Variants in RNF216 observed in about 807,000 individuals in gnomAD.
RNF216 encodes ring finger protein 216.
A neutral mutation model predicts 110.8 loss-of-function variants in RNF216; 72 were observed. That is an observed-to-expected ratio of 0.65 (90% CI 0.54 to 0.79). The LOEUF (loss-of-function observed/expected upper bound fraction) is 0.79. Ranked by LOEUF, RNF216 falls within the 30% of genes least tolerant of loss-of-function variation. The pLI is 0.00. For missense variants in RNF216, 1,342 were observed against 1,141.2 expected, an observed-to-expected ratio of 1.18 and a Z score of -2.54; for synonymous variants, 495 against 407.5, an observed-to-expected ratio of 1.21 and a Z score of -2.59.
intron 13 of RNF216, among the ~76,000 whole-genome samples, chr7:5,698,382 T>TACACACACACAC (rs1301943842): frequency 3.7e-4 from 28 of 76,432 alleles, no homozygotes; most frequent in African/African-American, 1.2e-3. Context: ...TAGATTCTTT[T>TACACACACACAC]ATACACACAC....
intron 14 of RNF216, among the ~76,000 whole-genome samples, chr7:5,642,046 G>GA (rs534522530): frequency 1.8e-4 from 21 of 114,290 alleles, no homozygotes; most frequent in Admixed American, 3.6e-4. Context: ...AAAAAAAAAA[G>GA]AAAAAAAAAA....
intron 8 of RNF216, among the ~76,000 whole-genome samples, chr7:5,723,055 C>T (rs1005840009): frequency 7.2e-5 from 11 of 152,118 alleles, no homozygotes; most frequent in Non-Finnish European, 1.6e-4. Context: ...CTGGGCTACT[C>T]GCTAGCTGTG....
At chr7:5,663,445 G>A (rs182937578) in intron 13 of RNF216, among the ~76,000 whole-genome samples, 8 of 152,060 alleles carry the variant, frequency 5.3e-5, no homozygotes, top group African/African-American at 1.4e-4. Flanking sequence ...TTAGCCAGGT[G>A]TGGTGGCGTT....
At chr7:5,733,866 C>T (rs1260952058) in intron 5 of RNF216, among the ~76,000 whole-genome samples, 1 of 152,180 alleles carries the variant, frequency 6.6e-6, no homozygotes, top group Admixed American at 6.5e-5. Flanking sequence ...AAGCAATTCA[C>T]ACATATAAGT....
At chr7:5,780,345 T>C (rs1797011644) in intron 1 of RNF216, 2 of 152,106 alleles carry the variant, frequency 1.3e-5, no homozygotes, top group Admixed American at 1.3e-4. Flanking sequence ...GTCACAGTGC[T>C]TCTTCTGTAG....
intron 13 of RNF216, among the ~76,000 whole-genome samples, chr7:5,665,696 T>C (rs538039423): frequency 6.6e-6 from 1 of 152,244 alleles, no homozygotes; most frequent in East Asian, 1.9e-4. Context: ...AAAGTCTTTC[T>C]GGAATAAATC....
chr7:5,707,270 G>C (rs1398637563), intron 13 of RNF216, among the ~76,000 whole-genome samples: 1 of 152,182 alleles, frequency 6.6e-6, no homozygotes, highest in South Asian at 2.1e-4. Context: ...TGCATTTTAG[G>C]GATGTCTTTC....
chr7:5,689,745 G>A (rs1361541403), intron 13 of RNF216, among the ~76,000 whole-genome samples: 2 of 152,074 alleles, frequency 1.3e-5, no homozygotes, highest in African/African-American at 2.4e-5. Context: ...CCTAAGGTTA[G>A]GAGTTCAAGA....
At chr7:5,690,066 T>C (rs888073781) in intron 13 of RNF216, among the ~76,000 whole-genome samples, 1 of 152,098 alleles carries the variant, frequency 6.6e-6, no homozygotes, top group African/African-American at 2.4e-5. Flanking sequence ...GGGTGGCTCA[T>C]GCCTGTAATC....
intron 15 of RNF216, among the ~76,000 whole-genome samples, chr7:5,637,103 A>AT (rs1005886474): frequency 1.5e-4 from 23 of 151,954 alleles, no homozygotes; most frequent in African/African-American, 5.6e-4. Context: ...AAAAAAATCT[A>AT]TTTTTTCAAG....
chr7:5,730,186 T>C (rs538562239), intron 6 of RNF216, among the ~76,000 whole-genome samples: 1 of 152,342 alleles, frequency 6.6e-6, no homozygotes, highest in South Asian at 2.1e-4. Context: ...GAGGGAAGTG[T>C]ACTCATGTTT....
intron 14 of RNF216, among the ~76,000 whole-genome samples, chr7:5,643,896 G>A (rs1179288318): frequency 6.6e-6 from 1 of 152,132 alleles, no homozygotes; most frequent in Non-Finnish European, 1.5e-5. Context: ...GCCATTCTGA[G>A]GCTAGGCAAA....
In RNF216 at chr7:5,623,243, G is replaced by A; in HGVS notation, c.2453-64C>T. On this transcript the variant is annotated intron_variant, in intron 16 of 16. Transcript: ENST00000389902. ...ACCAACCTCAATGGAATCTAGCCTG[G>A]GACCAGGGCAGCGACCTCTGGACAC... is the stretch of plus-strand genomic sequence containing the variant. 2.7e-6 allele frequency: 4 copies of A among 1,470,196 alleles called. No homozygotes were observed. In the East Asian group the frequency reaches 9.2e-5, roughly 34 times the overall value. The allele number at this position is 1,470,196 out of a possible 1,614,324, so 91.1% of individuals were successfully genotyped here.
intron 11 of RNF216, 48 bp downstream of exon 11, chr7:5,715,005 C>T (rs1412814279): frequency 1.9e-6 from 3 of 1,548,908 alleles, no homozygotes; most frequent in South Asian, 1.2e-5. Context: ...TCTCCTTAGA[C>T]TCCAGGAATG....
intron 14 of RNF216, among the ~76,000 whole-genome samples, chr7:5,650,719 A>G (rs1200914497): frequency 1.3e-5 from 2 of 152,104 alleles, no homozygotes; most frequent in East Asian, 3.9e-4. Flanking sequence ...TTCGTCCCAC[A>G]CTAAGGACTT....
chr7:5,741,695 T>C lies in RNF216; in HGVS notation c.322A>G (p.Ser108Gly). The stretch of plus-strand genomic sequence containing the variant: ...TTGTTACACACTGAAAAATAGCTGC[T>C]CTTATCTGATTCAAATGCTGCTCTA... ...KSRAAFESDK[S>G]SYFSVCNNPL... Residue 108 changes from serine (S) to glycine (G), a missense_variant, in exon 4 of 17, where the codon AGC becomes GGC. Coordinates refer to ENST00000389902, the MANE Select transcript of RNF216 (RefSeq NM_207111.4). The C allele has an allele frequency of 6.2e-7, 1 of 1,614,176 alleles. No homozygotes were observed. The highest frequency in any genetic ancestry group is 2.2e-5 in the East Asian group (1 of 44,886).
intron 10 of RNF216, 48 bp from the exon 11 acceptor site, chr7:5,715,238 A>AG: frequency 1.3e-6 from 2 of 1,578,608 alleles, no homozygotes; most frequent in South Asian, 2.3e-5. Context: ...ACTTAAGGAG[A>AG]GGGGGAGCCT....
chr7:5,667,228 A>G (rs981128546), intron 13 of RNF216, among the ~76,000 whole-genome samples: 13 of 152,220 alleles, frequency 8.5e-5, no homozygotes, highest in Admixed American at 5.9e-4. Flanking sequence ...TGTGTCAAGT[A>G]TTTGTTTTAT....
Position 5,722,595 on chromosome 7 carries a change from T to A in RNF216, c.1505-1423A>T, listed in dbSNP as rs35107220. Among the ~76,000 whole-genome samples, 796 of 152,002 alleles carry A rather than the reference T, an allele frequency of 5.2e-3. 5 individuals carry two copies. The highest frequency in any genetic ancestry group is 6.8e-3 in the Middle Eastern group (2 of 294). ...TTAGTAAAGACGGGGTTTCACTGTGTTAGCCAGGATGGTCTTGATCTCCCG... is the reference window on the plus strand; with the variant it reads ...TTAGTAAAGACGGGGTTTCACTGTGATAGCCAGGATGGTCTTGATCTCCCG... On this transcript the variant is annotated intron_variant, in intron 8 of 16. Coordinates refer to ENST00000389902, the MANE Select transcript of RNF216 (RefSeq NM_207111.4).
Sources: allele counts gnomAD v4.1 joint callset (sites outside exome capture counted in the v4.1 genomes callset), GRCh38; gene constraint gnomAD v4.1.1; transcripts MANE v1.5; gene names NCBI Gene and HGNC (gene_info 2026-07-23, HGNC 2026-07-21).